Variants in MYBPHL observed in about 807,000 individuals in gnomAD.
MYBPHL encodes myosin binding protein H like, also known as myosin-binding protein H-like.
Under a neutral mutation model 39.5 loss-of-function variants are expected in MYBPHL, and 32 were observed. That is an observed-to-expected ratio of 0.81 (90% CI 0.61 to 1.09). The LOEUF (loss-of-function observed/expected upper bound fraction) is 1.09. Among genes scored for constraint, MYBPHL ranks in the 50% least tolerant of loss-of-function variants. The pLI is 0.00. For synonymous variants in MYBPHL, 196 were observed against 183.7 expected, an observed-to-expected ratio of 1.07 and a Z score of -0.54; for missense variants, 456 against 460.2, an observed-to-expected ratio of 0.99 and a Z score of 0.08.
At position 109,296,798 on chromosome 1, in the gene MYBPHL, G is replaced by A. The variant is rs1172963695; in HGVS notation, c.715C>T (p.His239Tyr). ...CCTCCCTTACCTGCTTTCTGGATGT[G>A]GGCGAGGTCCGTAGTGATGGGGGCT... ...ETAPITTDLA[H>Y]IQKAATVYKT... The change falls in exon 5 of 9, where the codon CAC becomes TAC. Residue 239 changes from histidine (H) to tyrosine (Y), a missense_variant. Transcript: ENST00000357155. 3 of 1,614,106 alleles carry A rather than the reference G, an allele frequency of 1.9e-6. No homozygotes were observed. Among genetic ancestry groups the A allele is most frequent in the South Asian group, 1.1e-5 (1 of 91,078 alleles).
chr1:109,293,601 G>A (rs56187823), intron 8 of MYBPHL, among the ~76,000 whole-genome samples: 39,582 of 151,236 alleles, frequency 0.26, 6,168 homozygotes, highest in East Asian at 0.47. Context: ...ATTGCCGGGC[G>A]TGGTGGTGGG....
At chr1:109,297,253 A>T in intron 3 of MYBPHL, 64 bp from the exon 4 acceptor site, 2 of 1,611,228 alleles carry the variant, frequency 1.2e-6, no homozygotes, top group Non-Finnish European at 1.7e-6. Context: ...TCACTTCAGG[A>T]GTGCCCTAGC....
At chr1:109,299,120 C>G (rs533747453) in intron 1 of MYBPHL, among the ~76,000 whole-genome samples, 1 of 152,204 alleles carries the variant, frequency 6.6e-6, no homozygotes, top group Non-Finnish European at 1.5e-5. Flanking sequence ...TGCGTTCCCT[C>G]GGGGGCCTGG....
intron 1 of MYBPHL, among the ~76,000 whole-genome samples, chr1:109,303,972 C>T (rs914488501): frequency 2.0e-5 from 3 of 149,728 alleles, no homozygotes; most frequent in Non-Finnish European, 4.4e-5. Flanking sequence ...ATTGCTTTCT[C>T]ACATCCTTTA....
chr1:109,293,999 G>A (rs1657962760), intron 8 of MYBPHL, among the ~76,000 whole-genome samples: 4 of 152,122 alleles, frequency 2.6e-5, no homozygotes, highest in Admixed American at 2.6e-4. Flanking sequence ...AGGAGGCAGA[G>A]GTTGCAGTGA....
At chr1:109,300,111 G>A (rs566116407) in intron 1 of MYBPHL, among the ~76,000 whole-genome samples, 20 of 152,258 alleles carry the variant, frequency 1.3e-4, no homozygotes, top group East Asian at 3.9e-4. Flanking sequence ...TCCCTGTGCC[G>A]CCTGCCTACA....
At chr1:109,294,505 G>A (rs1224755303) in intron 7 of MYBPHL, among the ~76,000 whole-genome samples, 2 of 152,056 alleles carry the variant, frequency 1.3e-5, no homozygotes, top group Non-Finnish European at 2.9e-5. Flanking sequence ...ATAAGACAAT[G>A]TCCCTACCCT....
At position 109,297,628 on chromosome 1, in the gene MYBPHL, A is replaced by AG. The variant is rs760348800; in HGVS notation, c.235-12dup. The stretch of plus-strand genomic sequence containing the variant: ...AGGTTTGGGCTTGCCCTGAGGAATG[A>AG]GGGTAATGCTTTGAGCAGCCCCGAG... On this transcript the variant is annotated splice_polypyrimidine_tract_variant and intron_variant, in intron 2 of 8. Transcript: ENST00000357155. The AG allele has an allele frequency of 1.2e-5, 19 of 1,610,236 alleles. No homozygotes were observed. The East Asian group carries it at 4.2e-4, about 36-fold the overall frequency.
At chr1:109,305,309 T>C (rs1488494461) in intron 1 of MYBPHL, among the ~76,000 whole-genome samples, 2 of 152,210 alleles carry the variant, frequency 1.3e-5, no homozygotes, top group Non-Finnish European at 2.9e-5. Context: ...CAGATGCACA[T>C]ATATTTTGCA....
In MYBPHL at chr1:109,306,233, G is replaced by A. The variant is rs556463214; in HGVS notation, c.145+614C>T. Among the ~76,000 whole-genome samples, 36 of 152,294 alleles carry A rather than the reference G, an allele frequency of 2.4e-4. No homozygotes were observed. In the South Asian group the frequency reaches 6.2e-3, roughly 26 times the overall value. On this transcript the variant is annotated intron_variant, in intron 1 of 8. Transcript: ENST00000357155. Reference sequence around the variant, plus strand: ...GGGTTGGAATTCCTCACTTGGGAACGCCTCTTTGCTGAGAGGCACACAGAG... The same window carrying A: ...GGGTTGGAATTCCTCACTTGGGAACACCTCTTTGCTGAGAGGCACACAGAG...
At chr1:109,298,543 G>A (rs1376542483) in intron 1 of MYBPHL, among the ~76,000 whole-genome samples, 1 of 152,130 alleles carries the variant, frequency 6.6e-6, no homozygotes, top group Non-Finnish European at 1.5e-5. Flanking sequence ...CCATCATCTG[G>A]AGGCATTCCA....
intron 1 of MYBPHL, among the ~76,000 whole-genome samples, chr1:109,303,921 TTCTC>T (rs1424756132): frequency 8.6e-5 from 13 of 151,700 alleles, no homozygotes; most frequent in Middle Eastern, 3.2e-3. Flanking sequence ...CTTGCAGTTG[TTCTC>T]TCTGTGTGGA....
chr1:109,297,482 G>A lies in MYBPHL; in HGVS notation c.370C>T (p.Gln124Ter). Reference protein sequence around the residue: ...EAQRADSGRYQLRVQLGGLEA... With the variant: ...EAQRADSGRY Reference sequence around the variant, plus strand: ...AGCCCACCCAGCTGCACGCGGAGTTGGTAGCGACCTGAGTCAGCACGTTGG... The same window carrying A: ...AGCCCACCCAGCTGCACGCGGAGTTAGTAGCGACCTGAGTCAGCACGTTGG... Residue 124 changes from glutamine (Q) to a stop codon, truncating the protein, a stop_gained, in exon 3 of 9, where the codon CAA becomes TAA. Transcript: ENST00000357155. LOFTEE classifies it high-confidence loss of function. 6.2e-7 allele frequency: 1 copy of A among 1,613,528 alleles called. No individual in the cohort carries two copies. The highest frequency in any genetic ancestry group is 8.5e-7 in the Non-Finnish European group (1 of 1,180,028).
chr1:109,306,362 G>A (rs1030531615), intron 1 of MYBPHL, among the ~76,000 whole-genome samples: 1 of 152,174 alleles, frequency 6.6e-6, no homozygotes, highest in African/African-American at 2.4e-5. Flanking sequence ...GTGGGGGATT[G>A]GAGGAGGTCC....
intron 1 of MYBPHL, among the ~76,000 whole-genome samples, chr1:109,298,746 C>T (rs1658177007): frequency 6.6e-6 from 1 of 152,062 alleles, no homozygotes; most frequent in Admixed American, 6.5e-5. Context: ...GCAGAGTCAA[C>T]ACCCTGACCT....
rs79407709 is a variant in MYBPHL, at chr1:109,296,085, C to T, written c.867+149G>A. On this transcript the variant is annotated intron_variant, in intron 6 of 8. Transcript: ENST00000357155. Reference sequence around the variant, plus strand: ...CCGTCTTGGACTCCAAGCACCCCCCCGACTGTTCCTAAATACCGTGCTGTA... The same window carrying T: ...CCGTCTTGGACTCCAAGCACCCCCCTGACTGTTCCTAAATACCGTGCTGTA... 2.6e-3 allele frequency: 2,523 copies of T among 952,174 alleles called. 33 individuals are homozygous for T. In the African/African-American group the frequency reaches 0.033, roughly 12 times the overall value. 59.0% of individuals were successfully genotyped at this position (952,174 alleles called of 1,614,324 possible). A position where few individuals can be genotyped will look rare whatever the true frequency, so the allele number is the denominator to read the frequency against.
rs145366916 is a variant in MYBPHL at position 109,298,212 on chromosome 1, A to G, written c.191T>C (p.Ile64Thr). 1.2e-3 allele frequency: 1,890 copies of G among 1,609,900 alleles called. 29 individuals are homozygous for G. In the African/African-American group the frequency reaches 0.023, roughly 20 times the overall value. Residue 64 changes from isoleucine to threonine, a missense_variant, in exon 2 of 9, where the codon ATC becomes ACC. Transcript: ENST00000357155. Reference protein sequence around the residue: ...WLPRALRQTYIRKVGDTVNLL... With the variant: ...WLPRALRQTYTRKVGDTVNLL... ...GTTCACTGTGTCCCCAACCTTCCGG[A>G]TGTAGGTCTGCCTCAGGGCCCGAGG...
chr1:109,297,787 A>T (rs1042121781), intron 2 of MYBPHL, among the ~76,000 whole-genome samples, 170 bp from the exon 3 acceptor site: 3 of 152,218 alleles, frequency 2.0e-5, no homozygotes, highest in Non-Finnish European at 4.4e-5. Context: ...TTTCAGCAAC[A>T]GCCTAAGGAT....
At chr1:109,292,749 A>T (rs1046506451) in intron 8 of MYBPHL, 161 bp from the exon 9 acceptor site, 1 of 152,256 alleles carries the variant, frequency 6.6e-6, no homozygotes, top group Non-Finnish European at 1.5e-5. Context: ...CATTTGCTAC[A>T]TACCAGTGAG....
Sources: gnomAD v4.1 joint callset for allele counts (sites outside exome capture counted in the v4.1 genomes callset) on GRCh38, gnomAD v4.1.1 for gene constraint, MANE v1.5 for transcripts, NCBI Gene and HGNC (gene_info 2026-07-23, HGNC 2026-07-21) for gene names.